ARL13A: variants seen among roughly 807,000 people sequenced by gnomAD.
ARL13A encodes the protein ADP-ribosylation factor-like protein 13A.
A neutral mutation model predicts 19.1 loss-of-function variants in ARL13A; 16 were observed. The ratio of observed to expected loss-of-function variants is 0.84; its 90% CI spans 0.57 to 1.27. The LOEUF is 1.27. Ranked by LOEUF, ARL13A falls within the 50% of genes most tolerant of loss-of-function variation. The pLI, the probability that ARL13A is intolerant of heterozygous loss-of-function variation, is 0.00. For synonymous variants in ARL13A, 69 were observed against 71.3 expected (o/e 0.97, Z 0.17); for missense variants, 153 against 186.4 (o/e 0.82, Z 1.04).
chrX:100,987,947 A>G (rs1323182914), intron 6 of ARL13A, among the ~76,000 whole-genome samples: 1 of 111,964 alleles, frequency 8.9e-6, no homozygotes, highest in Non-Finnish European at 1.9e-5. Context: ...CTCAGCCTCT[A>G]GTTCTATAAT....
chrX:100,973,787 T>G (rs181819192), intron 2 of ARL13A, 39 bp downstream of exon 2: 2 of 1,156,357 alleles, frequency 1.7e-6, no homozygotes, highest in African/African-American at 3.5e-5. Flanking sequence ...ATTCCACTAT[T>G]TCCTCCCACA....
At position 100,987,453 on chromosome X, in the gene ARL13A, C is replaced by T. The variant is rs553228239; in HGVS notation, c.550C>T (p.Arg184Cys). Residue 184 changes from arginine (R) to cysteine (C), a missense_variant, in exon 6 of 8, where the codon CGC becomes TGC. By Grantham distance (180) the Arg-to-Cys change is radical. Coordinates refer to ENST00000450049, the MANE Select transcript of ARL13A (RefSeq NM_001162491.2). ...RNHQPIVEGL[R>C]WLLAVIDTCQ... is the part of the protein sequence containing the mutation. ...CCATCAGCCCATAGTTGAAGGACTG[C>T]GCTGGCTATTAGCTGTCATTGATAC... 23 of 1,209,228 alleles carry T rather than the reference C, an allele frequency of 1.9e-5. No homozygotes were observed. Among genetic ancestry groups the T allele is most frequent in the Middle Eastern group, 2.3e-4 (1 of 4,356 alleles).
rs775873922 is a variant in ARL13A at position 100,990,810 on chromosome X, A to C, written c.*222A>C. 9 of 372,922 alleles carry C rather than the reference A, an allele frequency of 2.4e-5. No individual in the cohort carries two copies. The Admixed American group carries it at 2.5e-4, about 10-fold the overall frequency. 30.7% of individuals were successfully genotyped at this position (372,922 alleles called of 1,213,427 possible). ...AGGCAGAAAAGGATTGGCAAAAATA[A>C]ATAGAACTTCTTTGCTGAGAATTAT... On this transcript the variant is annotated 3_prime_UTR_variant, in exon 8 of 8. Coordinates refer to ENST00000450049, the MANE Select transcript of ARL13A (RefSeq NM_001162491.2).
intron 3 of ARL13A, among the ~76,000 whole-genome samples, chrX:100,975,952 T>TA (rs1397504595): frequency 1.8e-5 from 2 of 111,375 alleles, no homozygotes; most frequent in South Asian, 3.8e-4. Context: ...CCATTTTCTA[T>TA]AACAACTTCC....
intron 7 of ARL13A, among the ~76,000 whole-genome samples, chrX:100,988,852 A>ATATATATATATCT (rs1491310118): frequency 5.8e-4 from 3 of 5,180 alleles, no homozygotes; most frequent in African/African-American, 2.5e-3. Flanking sequence ...AATATATCTC[A>ATATATATATATCT]TATATATATA....
rs772230194 is a variant in ARL13A, at chrX:100,987,510, A to G, written c.607A>G (p.Ile203Val). Residue 203 changes from isoleucine to valine, a missense_variant, in exon 6 of 8, where the codon ATC (isoleucine) becomes GTC (valine). By Grantham distance (29) the Ile-to-Val change is conservative. Coordinates refer to ENST00000450049, the MANE Select transcript of ARL13A (RefSeq NM_001162491.2). ...ACTACCACCTACCTCGAGCATCTCA[A>G]TCTCCAAGAATAACACAGGCTCTGG... ...CQLPPTSSIS[I>V]SKNNTGSGER... The G allele has an allele frequency of 8.3e-7, 1 of 1,209,613 alleles. No individual in the cohort carries two copies. Among genetic ancestry groups the G allele is most frequent in the Non-Finnish European group, 1.1e-6 (1 of 895,206 alleles).
chrX:100,989,368 T>G (rs1479765495), intron 7 of ARL13A, among the ~76,000 whole-genome samples: 1 of 110,800 alleles, frequency 9.0e-6, no homozygotes, highest in East Asian at 2.8e-4. Flanking sequence ...TCCCAGCACT[T>G]TGGGAGGCTG....
intron 3 of ARL13A, among the ~76,000 whole-genome samples, chrX:100,983,506 G>A (rs777710834): frequency 5.5e-5 from 6 of 109,935 alleles, no homozygotes; most frequent in Non-Finnish European, 9.5e-5. Context: ...ACAGGTGCCC[G>A]CCACCACGCC....
At chrX:100,972,702 G>C (rs1327110402) in intron 1 of ARL13A, among the ~76,000 whole-genome samples, 1 of 15,582 alleles carries the variant, frequency 6.4e-5, no homozygotes, top group Non-Finnish European at 1.3e-4. Flanking sequence ...CGGGGCGGCT[G>C]GCCGGGCGGG....
Position 100,977,366 on chromosome X carries a change from CTTCTTTTTTTTTT to C in ARL13A, c.130+3172_130+3184del, listed in dbSNP as rs1201811988. On this transcript the variant is annotated intron_variant, in intron 3 of 7. Transcript: ENST00000450049. Reference sequence around the variant, plus strand: ...CCTGTAGTAATTATCCTTCTACTCTCTTCTTTTTTTTTTTTTTTTTTTTTTTTTTTTTGAGACG... The same window carrying C: ...CCTGTAGTAATTATCCTTCTACTCTCTTTTTTTTTTTTTTTTTTTGAGACG... Among the ~76,000 whole-genome samples the C allele has an allele frequency of 1.7e-4, 13 of 78,181 alleles. No homozygotes were observed. In the East Asian group the frequency reaches 2.3e-3, roughly 14 times the overall value. The allele number at this position is 78,181 out of a possible 115,157, so 67.9% of individuals were successfully genotyped here. A position where few individuals can be genotyped will look rare whatever the true frequency, so the allele number is the denominator to read the frequency against.
chrX:100,984,270 C>T (rs2085905370), intron 3 of ARL13A, among the ~76,000 whole-genome samples: 1 of 109,450 alleles, frequency 9.1e-6, no homozygotes, highest in African/African-American at 3.3e-5. Context: ...TGTGCCACCG[C>T]ACCCGGCTAA....
intron 3 of ARL13A, among the ~76,000 whole-genome samples, chrX:100,977,439 G>A (rs1156433903): frequency 4.1e-5 from 4 of 96,505 alleles, no homozygotes; most frequent in Non-Finnish European, 6.0e-5. Flanking sequence ...GGAGTGCAGT[G>A]GCACGATCTC....
At chrX:100,981,821 A>C (rs1224306582) in intron 3 of ARL13A, among the ~76,000 whole-genome samples, 1 of 105,432 alleles carries the variant, frequency 9.5e-6, no homozygotes, top group Non-Finnish European at 1.9e-5. Flanking sequence ...AAAAAGAAAA[A>C]AATACAGATG....
At chrX:100,970,665 A>G (rs1238751254) in intron 1 of ARL13A, among the ~76,000 whole-genome samples, 2 of 109,738 alleles carry the variant, frequency 1.8e-5, no homozygotes, top group Non-Finnish European at 3.8e-5. Context: ...TTAGCCCTGC[A>G]TATACGTGGG....
At chrX:100,974,397 C>A (rs1012716302) in intron 3 of ARL13A, among the ~76,000 whole-genome samples, 200 bp downstream of exon 3, 3 of 109,826 alleles carry the variant, frequency 2.7e-5, no homozygotes, top group African/African-American at 1.0e-4. Context: ...CCTTCCCTCC[C>A]TCCCTTCCCC....
At chrX:100,984,419 G>A (rs1441767676) in intron 3 of ARL13A, among the ~76,000 whole-genome samples, 1 of 111,514 alleles carries the variant, frequency 9.0e-6, no homozygotes, top group Non-Finnish European at 1.9e-5. Context: ...GATTACAGGC[G>A]CGAGCCACCG....
At chrX:100,972,184 C>T (rs1273220167) in intron 1 of ARL13A, among the ~76,000 whole-genome samples, 3 of 87,684 alleles carry the variant, frequency 3.4e-5, no homozygotes, top group Admixed American at 1.2e-4. Context: ...CCACCTTTCC[C>T]GCCTTTCTAT....
intron 3 of ARL13A, among the ~76,000 whole-genome samples, chrX:100,982,544 CT>C (rs2085875448): frequency 9.1e-6 from 1 of 109,733 alleles, no homozygotes; most frequent in Non-Finnish European, 1.9e-5. Context: ...ACAGTGGATA[CT>C]GAGAACCAAT....
At chrX:100,973,500 C>T (rs760975635) in intron 1 of ARL13A, among the ~76,000 whole-genome samples, 176 bp from the exon 2 acceptor site, 10 of 110,931 alleles carry the variant, frequency 9.0e-5, no homozygotes, top group African/African-American at 9.8e-5. Flanking sequence ...GGCGGTCGGG[C>T]GGCGGCGGCT....
Sources: gnomAD v4.1 joint callset for allele counts (sites outside exome capture counted in the v4.1 genomes callset) on GRCh38, gnomAD v4.1.1 for gene constraint, MANE v1.5 for transcripts, NCBI Gene and HGNC (gene_info 2026-07-23, HGNC 2026-07-21) for gene names.